Variants in SNX21 observed in about 807,000 individuals in gnomAD.
The protein encoded by SNX21 is sorting nexin family member 21, also known as sorting nexin-21.
A neutral mutation model predicts 30.9 loss-of-function variants in SNX21; 36 were observed. The observed-to-expected ratio is 1.16, with a 90% CI of 0.89 to 1.54. The LOEUF (loss-of-function observed/expected upper bound fraction) is 1.54, where lower values mean the gene tolerates loss of function less well. SNX21 is among the 40% of genes most tolerant of loss of function. The probability of loss-of-function intolerance (pLI) is 0.00; values close to 1 mark genes in which losing one functional copy is unlikely to be tolerated. For synonymous variants in SNX21, 218 were observed against 222.7 expected (o/e 0.98, Z 0.19); for missense variants, 508 against 516.5 (o/e 0.98, Z 0.16).
At chr20:45,834,037 G>C (rs977451147) in intron 1 of SNX21, 97 bp downstream of exon 1, 1 of 1,416,322 alleles carries the variant, frequency 7.1e-7, no homozygotes, top group Non-Finnish European at 9.2e-7. Flanking sequence ...GGGGGAAAGC[G>C]ATGCTGGCTG....
chr20:45,839,750 A>AAATT (rs747452785), intron 3 of SNX21, among the ~76,000 whole-genome samples: 2 of 149,320 alleles, frequency 1.3e-5, no homozygotes, highest in Admixed American at 1.3e-4. Context: ...AAAAAAAAAA[A>AAATT]TTTTTTTAAA....
Position 45,834,966 on chromosome 20 carries a change from C to A in SNX21, c.297C>A (p.Ser99Arg), listed in dbSNP as rs901263812. The stretch of plus-strand genomic sequence containing the variant: ...CTGGTCATGTGTCTGCAGAACGGAG[C>A]CCCCCACCTGATGGGCAGTGGGGCA... ...DGTSGEDAER[S>R]PPPDGQWGSQ... The change falls in exon 3 of 4, where the codon AGC becomes AGA. Residue 99 changes from serine (S) to arginine (R), a missense_variant. Transcript: ENST00000491381. 4.3e-6 allele frequency: 7 copies of A among 1,613,388 alleles called. No individual in the cohort carries two copies. In the African/African-American group the frequency reaches 8.0e-5, roughly 18 times the overall value.
At chr20:45,836,529 G>A (rs572466536) in intron 3 of SNX21, among the ~76,000 whole-genome samples, 1 of 148,366 alleles carries the variant, frequency 6.7e-6, no homozygotes, top group African/African-American at 2.5e-5. Flanking sequence ...TTTGAGACAG[G>A]GTCTCGTTCT....
rs1207551482 is a variant in SNX21, at chr20:45,835,108, A to T, written c.439A>T (p.Lys147Ter). Reference protein sequence around the residue: ...SANVVKDPPSKYVLYTLAVIG... With the variant: ...SANVVKDPPS The stretch of plus-strand genomic sequence containing the variant: ...TAACGTTGTCAAGGACCCGCCCTCC[A>T]AGTACGTGGTGAGTGAGGGTCTAGA... The change falls in exon 3 of 4, where the codon AAG becomes TAG. Residue 147 changes from lysine to a stop codon, truncating the protein, a stop_gained. Transcript: ENST00000491381. LOFTEE classifies it high-confidence loss of function. The T allele has an allele frequency of 1.2e-6, 2 of 1,612,810 alleles. No homozygotes were observed. The highest frequency in any genetic ancestry group is 1.7e-6 in the Non-Finnish European group (2 of 1,179,168).
intron 1 of SNX21, 71 bp downstream of exon 1, chr20:45,834,011 T>A: frequency 7.0e-7 from 1 of 1,429,670 alleles, no homozygotes; most frequent in Non-Finnish European, 9.2e-7. Flanking sequence ...AACGCGGTCC[T>A]AGGCTGAGTG....
chr20:45,840,567 G>A (rs1952455682), intron 3 of SNX21, 72 bp from the exon 4 acceptor site: 1 of 1,610,570 alleles, frequency 6.2e-7, no homozygotes, highest in Non-Finnish European at 8.5e-7. Flanking sequence ...GAGTGTGGGG[G>A]ATGGGGAAGG....
At chr20:45,838,658 G>A (rs932474631) in intron 3 of SNX21, among the ~76,000 whole-genome samples, 2 of 151,922 alleles carry the variant, frequency 1.3e-5, no homozygotes, top group African/African-American at 2.4e-5. Flanking sequence ...GGAGATTGAG[G>A]CAGGAGAATT....
intron 2 of SNX21, chr20:45,834,749 C>T (rs970469285): frequency 3.6e-5 from 25 of 685,574 alleles, no homozygotes; most frequent in African/African-American, 2.5e-4. Flanking sequence ...GATGTATTAA[C>T]GATATTTTGA....
chr20:45,841,461 A>G lies in SNX21; in HGVS notation c.*148A>G. The G allele has an allele frequency of 3.5e-6, 5 of 1,417,954 alleles. No individual in the cohort carries two copies. Among genetic ancestry groups the G allele is most frequent in the Non-Finnish European group, 4.6e-6 (5 of 1,092,214 alleles). 87.8% of individuals were successfully genotyped at this position (1,417,954 alleles called of 1,614,324 possible). A position where few individuals can be genotyped will look rare whatever the true frequency, so the allele number is the denominator to read the frequency against. On this transcript the variant is annotated 3_prime_UTR_variant, in exon 4 of 4. Coordinates refer to ENST00000491381, the MANE Select transcript of SNX21 (RefSeq NM_033421.4). ...AAAGAGAATGTGAAGCAGATCAAGG[A>G]AACTTCTGTTGAGCTAGGCTCAGGG...
Position 45,834,389 on chromosome 20 carries a change from G to GGACGAC in SNX21, c.213_218dup (p.Asp71_Asp72dup). 2 of 1,598,710 alleles carry GGACGAC rather than the reference G, an allele frequency of 1.3e-6. No homozygotes were observed. Among genetic ancestry groups the GGACGAC allele is most frequent in the Admixed American group, 1.7e-5 (1 of 59,072 alleles). The stretch of plus-strand genomic sequence containing the variant: ...GCTTCACCAGCGCCGAGGACGACGA[G>GGACGAC]GACGACGAGGACGAGGACGACGAGG... On this transcript the variant is annotated inframe_insertion, in exon 2 of 4. Coordinates refer to ENST00000491381, the MANE Select transcript of SNX21 (RefSeq NM_033421.4).
At chr20:45,836,615 C>T (rs973978899) in intron 3 of SNX21, among the ~76,000 whole-genome samples, 1 of 152,054 alleles carries the variant, frequency 6.6e-6, no homozygotes, top group Non-Finnish European at 1.5e-5. Context: ...ATCCTCCCAC[C>T]TCAGCCTCCC....
At chr20:45,839,787 T>G (rs951965000) in intron 3 of SNX21, among the ~76,000 whole-genome samples, 1 of 151,802 alleles carries the variant, frequency 6.6e-6, no homozygotes, top group Admixed American at 6.6e-5. Flanking sequence ...TGCATGCCTA[T>G]AGTCCTAGCT....
Position 45,842,061 on chromosome 20 carries a change from A to G in SNX21, c.*748A>G. 9 of 1,543,966 alleles carry G rather than the reference A, an allele frequency of 5.8e-6. No homozygotes were observed. The highest frequency in any genetic ancestry group is 1.8e-4 in the Middle Eastern group (1 of 5,706). On this transcript the variant is annotated 3_prime_UTR_variant, in exon 4 of 4. Coordinates refer to ENST00000491381, the MANE Select transcript of SNX21 (RefSeq NM_033421.4). Reference sequence around the variant, plus strand: ...CTCACTAAGTTGCCAGGCTGGTCTCAAGCGCCTGGGTTCAAGGGATCCTCC... The same window carrying G: ...CTCACTAAGTTGCCAGGCTGGTCTCGAGCGCCTGGGTTCAAGGGATCCTCC...
chr20:45,843,074 GGACCTTATCCAA>G lies in SNX21; in HGVS notation c.*1767_*1778del. On this transcript the variant is annotated 3_prime_UTR_variant, in exon 4 of 4. Transcript: ENST00000491381. Reference sequence around the variant, plus strand: ...AGAGAACTTAAAAATACAGTTTCCTGGACCTTATCCAAGACCTACTGAGTGAGAATCTTGAGG... The same window carrying G: ...AGAGAACTTAAAAATACAGTTTCCTGGACCTACTGAGTGAGAATCTTGAGG... 8.6e-7 allele frequency: 1 copy of G among 1,157,086 alleles called. No individual in the cohort carries two copies. The highest frequency in any genetic ancestry group is 1.1e-6 in the Non-Finnish European group (1 of 920,520). 71.7% of individuals were successfully genotyped at this position (1,157,086 alleles called of 1,614,324 possible). A position where few individuals can be genotyped will look rare whatever the true frequency, so the allele number is the denominator to read the frequency against.
rs938637344 is a variant in SNX21 at position 45,843,196 on chromosome 20, C to T, written c.*1883C>T. 1.2e-5 allele frequency: 6 copies of T among 492,946 alleles called. No individual in the cohort carries two copies. The highest frequency in any genetic ancestry group is 2.0e-5 in the African/African-American group (1 of 50,304). The allele number at this position is 492,946 out of a possible 1,614,324, so 30.5% of individuals were successfully genotyped here. A position where few individuals can be genotyped will look rare whatever the true frequency, so the allele number is the denominator to read the frequency against. ...TTTGGATACCACTGCTGTAATGTAA[C>T]CCTCTTTGTTTAGATGAGGAAACTG... is the stretch of plus-strand genomic sequence containing the variant. On this transcript the variant is annotated 3_prime_UTR_variant, in exon 4 of 4. Coordinates refer to ENST00000491381, the MANE Select transcript of SNX21 (RefSeq NM_033421.4).
At chr20:45,835,202 C>T in intron 3 of SNX21, 86 bp downstream of exon 3, 1 of 1,422,632 alleles carries the variant, frequency 7.0e-7, no homozygotes, top group Non-Finnish European at 9.4e-7. Context: ...CCTGAGGGGT[C>T]TATGTAGTTA....
chr20:45,834,627 T>C, intron 2 of SNX21, 159 bp downstream of exon 2: 1 of 1,013,884 alleles, frequency 9.9e-7, no homozygotes, highest in Non-Finnish European at 1.4e-6. Context: ...CTTGAGAGAG[T>C]CTTAACCCCC....
intron 2 of SNX21, 170 bp downstream of exon 2, chr20:45,834,638 C>T (rs569235354): frequency 2.2e-6 from 2 of 913,886 alleles, no homozygotes; most frequent in African/African-American, 1.7e-5. Context: ...CTTAACCCCC[C>T]TCTGAGCCAA....
rs1458799678 is a variant in SNX21, at chr20:45,841,577, T to C, written c.*264T>C. The C allele has an allele frequency of 2.9e-6, 4 of 1,397,928 alleles. No homozygotes were observed. The highest frequency in any genetic ancestry group is 3.7e-6 in the Non-Finnish European group (4 of 1,084,078). 86.6% of individuals were successfully genotyped at this position (1,397,928 alleles called of 1,614,324 possible). A position where few individuals can be genotyped will look rare whatever the true frequency, so the allele number is the denominator to read the frequency against. On this transcript the variant is annotated 3_prime_UTR_variant, in exon 4 of 4. Transcript: ENST00000491381. ...AACAGCCGGGGGGCTGTGGCACAGG[T>C]TGGGGCAATGTTCCCTTGTTGGTGG... is the stretch of plus-strand genomic sequence containing the variant.
Sources: gnomAD v4.1 joint callset for allele counts (sites outside exome capture counted in the v4.1 genomes callset) on GRCh38, gnomAD v4.1.1 for gene constraint, MANE v1.5 for transcripts, NCBI Gene and HGNC (gene_info 2026-07-23, HGNC 2026-07-21) for gene names.